Variants in GRIK2 observed in about 807,000 individuals in gnomAD.
The protein encoded by GRIK2 is glutamate receptor ionotropic, kainate 2.
GRIK2 carries 32 observed loss-of-function variants against 100.3 expected under a neutral mutation model. The observed-to-expected ratio is 0.32, with a 90% CI of 0.24 to 0.43. The LOEUF is 0.43. GRIK2 is among the 20% of genes least tolerant of loss of function. The pLI is 1.00. For missense variants in GRIK2, 843 were observed against 1,114.9 expected (o/e 0.76, Z 3.47); for synonymous variants, 417 against 389.4 (o/e 1.07, Z -0.83).
intron 2 of GRIK2, among the ~76,000 whole-genome samples, chr6:101,491,414 A>G (rs892735577): frequency 6.6e-6 from 1 of 152,036 alleles, no homozygotes; most frequent in African/African-American, 2.4e-5. Flanking sequence ...AGCCCTAGAA[A>G]TTTGGCCGAA....
At chr6:101,989,713 A>G (rs1186895229) in intron 14 of GRIK2, among the ~76,000 whole-genome samples, 1 of 151,600 alleles carries the variant, frequency 6.6e-6, no homozygotes, top group Non-Finnish European at 1.5e-5. Context: ...TCAATACACC[A>G]TGGAGCTAAA....
rs1554217240 is a variant in GRIK2 at position 101,541,376 on chromosome 6, C to CCCACACA, written c.116-80572_116-80571insCACACAC. Among the ~76,000 whole-genome samples, 28 of 5,602 alleles carry CCCACACA rather than the reference C, an allele frequency of 5.0e-3. 1 individual carries two copies. The highest frequency in any genetic ancestry group is 0.042 in the East Asian group (8 of 192). 3.7% of individuals were successfully genotyped at this position (5,602 alleles called of 152,430 possible). A position where few individuals can be genotyped will look rare whatever the true frequency, so the allele number is the denominator to read the frequency against. On this transcript the variant is annotated intron_variant, in intron 2 of 16. Coordinates refer to ENST00000369134, the MANE Select transcript of GRIK2 (RefSeq NM_021956.5). ...AGATGTTACACCCCAGCGCACACAA[C>CCCACACA]CACACACACACACACACACACACAC...
At chr6:101,836,323 T>A (rs1372660163) in intron 10 of GRIK2, among the ~76,000 whole-genome samples, 5 of 152,088 alleles carry the variant, frequency 3.3e-5, no homozygotes, top group African/African-American at 1.2e-4. Flanking sequence ...TGCCGTCCAA[T>A]ACGGTAGCTT....
intron 4 of GRIK2, among the ~76,000 whole-genome samples, chr6:101,676,050 T>A (rs1284972222): frequency 6.6e-6 from 1 of 152,136 alleles, no homozygotes; most frequent in Non-Finnish European, 1.5e-5. Flanking sequence ...TTAAAGGCAA[T>A]CTAGAATAAT....
In GRIK2 at chr6:101,472,107, A is replaced by T. The variant is rs189631479; in HGVS notation, c.115+72715A>T. ...TATTCAGTTATAGCATTTATTTGCCATAGAGCAATAATTTATCTAAAAAAC... is the reference window on the plus strand; with the variant it reads ...TATTCAGTTATAGCATTTATTTGCCTTAGAGCAATAATTTATCTAAAAAAC... On this transcript the variant is annotated intron_variant, in intron 2 of 16. Coordinates refer to ENST00000369134, the MANE Select transcript of GRIK2 (RefSeq NM_021956.5). 2.8e-3 allele frequency among the ~76,000 whole-genome samples: 426 copies of T among 151,988 alleles called. 3 individuals are homozygous for T. The highest frequency in any genetic ancestry group is 3.2e-3 in the Non-Finnish European group (215 of 67,810).
Position 101,846,429 on chromosome 6 carries a change from T to C in GRIK2, c.1318-12858T>C, listed in dbSNP as rs1783815738. On this transcript the variant is annotated intron_variant, in intron 10 of 16. Transcript: ENST00000369134. ...TCAAGAGATGATTCTCATTATTTTG[T>C]TGAGAAGTTTTACATCTGTATTCTT... 2.6e-5 allele frequency among the ~76,000 whole-genome samples: 4 copies of C among 152,264 alleles called. 1 individual carries two copies. The South Asian group carries it at 6.2e-4, about 24-fold the overall frequency.
chr6:101,464,415 A>G (rs2128253324), intron 2 of GRIK2, among the ~76,000 whole-genome samples: 1 of 150,760 alleles, frequency 6.6e-6, no homozygotes, highest in East Asian at 2.0e-4. Context: ...AGCCAATTGC[A>G]GTGGTGGAGG....
intron 4 of GRIK2, among the ~76,000 whole-genome samples, chr6:101,635,733 A>G (rs933111241): frequency 6.6e-6 from 1 of 152,232 alleles, no homozygotes; most frequent in East Asian, 1.9e-4. Flanking sequence ...TTTTGTGGCC[A>G]ACAAACATAT....
At chr6:102,054,051 G>A (rs913629167) in intron 15 of GRIK2, among the ~76,000 whole-genome samples, 4 of 152,118 alleles carry the variant, frequency 2.6e-5, no homozygotes, top group African/African-American at 9.7e-5. Flanking sequence ...AAATATTTGA[G>A]TTCTAATTAT....
intron 10 of GRIK2, among the ~76,000 whole-genome samples, chr6:101,855,831 G>A (rs1784398606): frequency 6.8e-6 from 1 of 147,344 alleles, no homozygotes; most frequent in South Asian, 2.2e-4. Context: ...CTGAGGGGGG[G>A]CAGAAATGGA....
chr6:101,686,246 T>C lies in GRIK2; in HGVS notation c.844T>C (p.Leu282=), dbSNP rs757823756. 4.3e-5 allele frequency: 70 copies of C among 1,612,900 alleles called. No individual in the cohort carries two copies. The Admixed American group carries it at 1.1e-3, about 25-fold the overall frequency. Residue 282 remains leucine, a synonymous_variant, in exon 7 of 17, where the codon TTA becomes CTA. Coordinates refer to ENST00000369134, the MANE Select transcript of GRIK2 (RefSeq NM_021956.5). ...SGVNMTGFRI[L]NTENTQVSSI... ...TGTTAACATGACAGGGTTCAGAATA[T>C]TAAATACAGAAAATACCCAAGTCTC...
At chr6:101,679,063 A>T (rs1771051594) in intron 5 of GRIK2, among the ~76,000 whole-genome samples, 1 of 152,202 alleles carries the variant, frequency 6.6e-6, no homozygotes, top group Admixed American at 6.5e-5. Flanking sequence ...GGGCAGAGCC[A>T]AGATCCTCTG....
intron 14 of GRIK2, among the ~76,000 whole-genome samples, chr6:101,955,583 T>TCTCC (rs1317192668): frequency 1.3e-4 from 4 of 30,608 alleles, no homozygotes; most frequent in Non-Finnish European, 6.6e-4. Context: ...GCCTTCTCTC[T>TCTCC]CTCTCTCTCT....
intron 4 of GRIK2, among the ~76,000 whole-genome samples, chr6:101,662,371 T>C (rs1769693233): frequency 6.6e-6 from 1 of 152,210 alleles, no homozygotes; most frequent in African/African-American, 2.4e-5. Flanking sequence ...TTCTAAGGAC[T>C]TACTGAATTG....
intron 12 of GRIK2, among the ~76,000 whole-genome samples, chr6:101,892,480 A>G (rs1482043826): frequency 6.6e-6 from 1 of 152,008 alleles, no homozygotes; most frequent in Non-Finnish European, 1.5e-5. Context: ...AAATTCAAGT[A>G]TGTCATCCTA....
chr6:101,740,293 A>T (rs951795969), intron 7 of GRIK2, among the ~76,000 whole-genome samples: 2 of 152,174 alleles, frequency 1.3e-5, no homozygotes, highest in Non-Finnish European at 2.9e-5. Context: ...ATAAAATAGC[A>T]TTGTATTTCC....
At chr6:101,777,418 A>G (rs1778815375) in intron 7 of GRIK2, among the ~76,000 whole-genome samples, 1 of 152,226 alleles carries the variant, frequency 6.6e-6, no homozygotes, top group African/African-American at 2.4e-5. Flanking sequence ...TCCCAAGGTC[A>G]GGATCTACCT....
At chr6:101,876,543 T>G (rs546397311) in intron 11 of GRIK2, among the ~76,000 whole-genome samples, 1 of 150,718 alleles carries the variant, frequency 6.6e-6, no homozygotes, top group East Asian at 2.0e-4. Flanking sequence ...GCAGCACCAT[T>G]CAGGGCCCAC....
chr6:101,462,236 A>G (rs1046419200), intron 2 of GRIK2, among the ~76,000 whole-genome samples: 1 of 152,210 alleles, frequency 6.6e-6, no homozygotes, highest in Non-Finnish European at 1.5e-5. Context: ...GTGTCCCTCA[A>G]TACATATTTT....
Sources: gnomAD v4.1 joint callset for allele counts (sites outside exome capture counted in the v4.1 genomes callset) on GRCh38, gnomAD v4.1.1 for gene constraint, MANE v1.5 for transcripts, NCBI Gene and HGNC (gene_info 2026-07-23, HGNC 2026-07-21) for gene names.